ITIH6: variants seen among roughly 807,000 people sequenced by gnomAD.
ITIH6 encodes inter-alpha-trypsin inhibitor heavy chain H6.
ITIH6 carries 60 observed loss-of-function variants against 58.2 expected under a neutral mutation model. The observed-to-expected ratio is 1.03, with a 90% CI of 0.84 to 1.28. The LOEUF is 1.28. ITIH6 is among the 50% of genes most tolerant of loss of function. ITIH6 has a pLI of 0.00. For missense variants in ITIH6, 1,290 were observed against 1,021.1 expected, an observed-to-expected ratio of 1.26 and a Z score of -3.59; for synonymous variants, 493 against 417.4, an observed-to-expected ratio of 1.18 and a Z score of -2.21.
chrX:54,754,890 T>C (rs1928455212), intron 9 of ITIH6, 127 bp downstream of exon 9: 1 of 494,659 alleles, frequency 2.0e-6, no homozygotes, highest in Non-Finnish European at 3.4e-6. Flanking sequence ...AAATTTGTGA[T>C]AAATGTTACA....
In ITIH6 at chrX:54,758,203, G is replaced by C. The variant is rs754447263; in HGVS notation, c.1871C>G (p.Thr624Ser). ...KQASEETRRQ[T>S]STSAGPDTIM... ...GGTGTCTGGCCCAGCAGAGGTGGAA[G>C]TCTGTCTCCTGGTCTCCTCACTGGC... Residue 624 changes from threonine (T) to serine (S), a missense_variant, in exon 8 of 13, where the codon ACT becomes AGT. By Grantham distance (58) the Thr-to-Ser change is moderately conservative (BLOSUM62 1). Coordinates refer to ENST00000218436, the MANE Select transcript of ITIH6 (RefSeq NM_198510.3). 1 of 1,211,316 alleles carries C rather than the reference G, an allele frequency of 8.3e-7. No homozygotes were observed. Among genetic ancestry groups the C allele is most frequent in the African/African-American group, 1.7e-5 (1 of 57,829 alleles).
chrX:54,755,386 A>G (rs1400055951), intron 8 of ITIH6, among the ~76,000 whole-genome samples: 2 of 112,573 alleles, frequency 1.8e-5, no homozygotes, highest in Admixed American at 9.4e-5. Flanking sequence ...AAATAAAGAC[A>G]TAGTTTCTGA....
In ITIH6 at chrX:54,758,285, GGGACAGGTTGA is replaced by G. The variant is rs1928551211; in HGVS notation, c.1778_1788del (p.Leu593ProfsTer2). The G allele has an allele frequency of 1.7e-6, 2 of 1,211,638 alleles. No homozygotes were observed. The highest frequency in any genetic ancestry group is 5.9e-5 in the East Asian group (2 of 33,822). ...AGAGGTGTGACAAAGTTGTATTCAA[GGGACAGGTTGA>G]GGACTTTGGCAGCCAGCAGGTGGCG... On this transcript the variant is annotated frameshift_variant, in exon 8 of 13. Transcript: ENST00000218436. LOFTEE classifies it high-confidence loss of function.
Position 54,757,576 on chromosome X carries a change from G to A in ITIH6, c.2498C>T (p.Thr833Ile). The A allele has an allele frequency of 8.3e-7, 1 of 1,210,703 alleles. No individual in the cohort carries two copies. The highest frequency in any genetic ancestry group is 1.1e-6 in the Non-Finnish European group (1 of 894,833). Residue 833 changes from threonine to isoleucine, a missense_variant, in exon 8 of 13, where the codon ACC becomes ATC. By Grantham distance (89) the Thr-to-Ile change is moderately conservative. Coordinates refer to ENST00000218436, the MANE Select transcript of ITIH6 (RefSeq NM_198510.3). ...CCCCAGGTGTGGCATGTTGTTTCGGGTCTTGGGAGCAGGAACCCTAGGTCT... is the reference window on the plus strand; with the variant it reads ...CCCCAGGTGTGGCATGTTGTTTCGGATCTTGGGAGCAGGAACCCTAGGTCT... ...HTRPRVPAPKTRNNMPHLGPG... is the reference protein window; with the variant it reads ...HTRPRVPAPKIRNNMPHLGPG...
chrX:54,758,019 T>C lies in ITIH6; in HGVS notation c.2055A>G (p.Lys685=). 8.3e-7 allele frequency: 1 copy of C among 1,211,742 alleles called. No homozygotes were observed. The highest frequency in any genetic ancestry group is 1.1e-6 in the Non-Finnish European group (1 of 895,338). The change falls in exon 8 of 13, where the codon AAA becomes AAG. Residue 685 remains lysine, a synonymous_variant. Transcript: ENST00000218436. ...TASTKKMLSS[K]ELEPLGESPH... is the part of the protein sequence containing the mutation. ...GGCTCTCTCCCAATGGCTCCAGCTCTTTGGAACTTAGCATCTTCTTGGTAG... is the reference window on the plus strand; with the variant it reads ...GGCTCTCTCCCAATGGCTCCAGCTCCTTGGAACTTAGCATCTTCTTGGTAG...
chrX:54,757,197 T>A lies in ITIH6; in HGVS notation c.2877A>T (p.Pro959=). The A allele has an allele frequency of 8.3e-7, 1 of 1,206,209 alleles. No homozygotes were observed. The highest frequency in any genetic ancestry group is 1.1e-6 in the Non-Finnish European group (1 of 892,442). ...TCATTGTTGGAACTCCTGGCCTAGA[T>A]GGTCCCAGAACTTGCCTGGTCCTCT... The part of the protein sequence containing the change: ...GPQRTRQVLG[P]SRPGVPTMSL... The change falls in exon 8 of 13, where the codon CCA becomes CCT. Residue 959 remains proline, a synonymous_variant. Transcript: ENST00000218436.
At chrX:54,751,586 C>T (rs1005667476) in intron 11 of ITIH6, among the ~76,000 whole-genome samples, 4 of 112,004 alleles carry the variant, frequency 3.6e-5, no homozygotes, top group African/African-American at 1.3e-4. Flanking sequence ...ACACGCTTAC[C>T]CCAGTGTGGT....
intron 4 of ITIH6, among the ~76,000 whole-genome samples, chrX:54,790,537 G>A (rs928767612): frequency 9.0e-6 from 1 of 111,134 alleles, no homozygotes; most frequent in African/African-American, 3.3e-5. Flanking sequence ...GTTAACATAT[G>A]ATTTAATTTC....
chrX:54,750,773 C>A (rs1160637894), intron 12 of ITIH6, among the ~76,000 whole-genome samples: 3 of 111,706 alleles, frequency 2.7e-5, no homozygotes, highest in Non-Finnish European at 5.7e-5. Flanking sequence ...GGCAAATTCC[C>A]CCACTCTGGT....
At chrX:54,751,412 G>A in intron 11 of ITIH6, 32 bp from the exon 12 acceptor site, 1 of 1,196,469 alleles carries the variant, frequency 8.4e-7, no homozygotes, top group African/African-American at 1.7e-5. Flanking sequence ...CCTGGAGCGG[G>A]GGCTTTTGCA....
chrX:54,763,813 C>T (rs911988651), intron 6 of ITIH6, among the ~76,000 whole-genome samples: 2 of 111,936 alleles, frequency 1.8e-5, no homozygotes, highest in African/African-American at 6.5e-5. Flanking sequence ...TTTTACCTTC[C>T]AGTTTCGTCA....
intron 5 of ITIH6, among the ~76,000 whole-genome samples, chrX:54,786,868 G>A (rs1929251348): frequency 9.0e-6 from 1 of 111,699 alleles, no homozygotes; most frequent in Non-Finnish European, 1.9e-5. Context: ...CTCAAGGTAT[G>A]ACACAGATTA....
intron 4 of ITIH6, 127 bp from the exon 5 acceptor site, chrX:54,788,776 T>C: frequency 2.0e-6 from 1 of 511,356 alleles, no homozygotes; most frequent in Non-Finnish European, 3.3e-6. Flanking sequence ...CCCAAACCTC[T>C]GGTGCCTCCT....
chrX:54,749,886 C>G lies in ITIH6; in HGVS notation c.*9G>C, dbSNP rs779191556. ...ATTCAGGTCTCCTGGCTCTGGAATT[C>G]AGAAGCCATCACAGGACATAGGAGA... On this transcript the variant is annotated 3_prime_UTR_variant, in exon 13 of 13. Transcript: ENST00000218436. 1 of 1,192,468 alleles carries G rather than the reference C, an allele frequency of 8.4e-7. No homozygotes were observed. The highest frequency in any genetic ancestry group is 3.0e-5 in the East Asian group (1 of 33,468).
In ITIH6 at chrX:54,757,990, T is replaced by C; in HGVS notation, c.2084A>G (p.His695Arg). The stretch of plus-strand genomic sequence containing the variant: ...TGGGTATGTGGGCATTGACAGGGTA[T>C]GAGGGCTCTCTCCCAATGGCTCCAG... ...KELEPLGESP[H>R]TLSMPTYPKA... The change falls in exon 8 of 13, where the codon CAT (histidine) becomes CGT (arginine). Residue 695 changes from histidine to arginine, a missense_variant. Physicochemically the swap from His to Arg is conservative, Grantham distance 29. Transcript: ENST00000218436. 1 of 1,211,854 alleles carries C rather than the reference T, an allele frequency of 8.3e-7. No homozygotes were observed. The highest frequency in any genetic ancestry group is 1.1e-6 in the Non-Finnish European group (1 of 895,525).
chrX:54,776,542 T>G (rs1246072718), intron 5 of ITIH6, among the ~76,000 whole-genome samples: 1 of 109,640 alleles, frequency 9.1e-6, no homozygotes, highest in African/African-American at 3.3e-5. Flanking sequence ...ACCCCTTCAT[T>G]CTGCTTGAAG....
intron 6 of ITIH6, among the ~76,000 whole-genome samples, chrX:54,768,104 G>A (rs1928842111): frequency 1.1e-5 from 1 of 87,999 alleles, no homozygotes; most frequent in Admixed American, 1.3e-4. Context: ...ATTTAGGATA[G>A]TTAGCTCCTC....
At position 54,788,486 on chromosome X, in the gene ITIH6, G is replaced by T; in HGVS notation, c.780C>A (p.Asp260Glu). Residue 260 changes from aspartate to glutamate, a missense_variant, in exon 5 of 13, where the codon GAC (aspartate) becomes GAA (glutamate). By Grantham distance (45) the Asp-to-Glu change is conservative (BLOSUM62 2). Coordinates refer to ENST00000218436, the MANE Select transcript of ITIH6 (RefSeq NM_198510.3). ...YDVVMEDIIG[D>E]VQIYDDYFIH... is the part of the protein sequence containing the mutation. ...CTTCCCCAGGCCCCCTCACCTGCAC[G>T]TCTCCAATGATGTCCTCCATGACCA... 1 of 1,209,542 alleles carries T rather than the reference G, an allele frequency of 8.3e-7. No individual in the cohort carries two copies. The highest frequency in any genetic ancestry group is 1.1e-6 in the Non-Finnish European group (1 of 894,045).
At chrX:54,768,312 T>A (rs1380289301) in intron 6 of ITIH6, among the ~76,000 whole-genome samples, 1 of 78,132 alleles carries the variant, frequency 1.3e-5, no homozygotes, top group Non-Finnish European at 2.3e-5. Flanking sequence ...GTTTCCTGAA[T>A]ACAGCACACT....
Sources: allele counts gnomAD v4.1 joint callset (sites outside exome capture counted in the v4.1 genomes callset), GRCh38; gene constraint gnomAD v4.1.1; transcripts MANE v1.5; gene names NCBI Gene and HGNC (gene_info 2026-07-23, HGNC 2026-07-21).